PODXL: variants seen among roughly 807,000 people sequenced by gnomAD.
PODXL encodes podocalyxin.
PODXL carries 20 observed loss-of-function variants against 48.9 expected under a neutral mutation model. The ratio of observed to expected loss-of-function variants is 0.41; its 90% CI spans 0.29 to 0.59. PODXL has a LOEUF of 0.59. Among genes scored for constraint, PODXL ranks in the 20% least tolerant of loss-of-function variants. PODXL has a pLI of 0.31. For missense variants in PODXL, 606 were observed against 675.1 expected (o/e 0.90, Z 1.13); for synonymous variants, 295 against 287.4 (o/e 1.03, Z -0.27).
chr7:131,511,848 G>A (rs968201922), intron 1 of PODXL, among the ~76,000 whole-genome samples: 10 of 152,170 alleles, frequency 6.6e-5, no homozygotes, highest in African/African-American at 9.7e-5. Context: ...CCCACCACAC[G>A]TGGAGGCTGT....
At chr7:131,531,076 A>G (rs940656196) in intron 1 of PODXL, among the ~76,000 whole-genome samples, 1 of 152,070 alleles carries the variant, frequency 6.6e-6, no homozygotes, top group African/African-American at 2.4e-5. Flanking sequence ...AAATTAAGTC[A>G]GTACGCTTAA....
At chr7:131,529,669 G>C (rs989992086) in intron 1 of PODXL, among the ~76,000 whole-genome samples, 1 of 151,898 alleles carries the variant, frequency 6.6e-6, no homozygotes, top group Non-Finnish European at 1.5e-5. Flanking sequence ...TGTGTTCCTC[G>C]ATTGGTGTGC....
chr7:131,507,071 C>A (rs140470139), intron 5 of PODXL: 42 of 260,472 alleles, frequency 1.6e-4, no homozygotes, highest in Non-Finnish European at 1.5e-5. Flanking sequence ...CTCCCTAGAA[C>A]GGGCTAGAGA....
intron 1 of PODXL, among the ~76,000 whole-genome samples, chr7:131,516,904 G>A (rs1355294392): frequency 1.3e-5 from 2 of 151,822 alleles, no homozygotes; most frequent in Non-Finnish European, 2.9e-5. Flanking sequence ...AAATTTTGTA[G>A]AAACAGGATC....
intron 1 of PODXL, among the ~76,000 whole-genome samples, chr7:131,532,568 G>C (rs1188162252): frequency 6.6e-6 from 1 of 151,672 alleles, no homozygotes; most frequent in Admixed American, 6.6e-5. Context: ...TGGAAAATAG[G>C]GGGTAGTGAC....
chr7:131,514,138 C>G (rs761235721), intron 1 of PODXL, among the ~76,000 whole-genome samples: 40 of 152,200 alleles, frequency 2.6e-4, no homozygotes, highest in Admixed American at 4.6e-4. Context: ...GCAATACAGG[C>G]TGGGTGCGGT....
intron 1 of PODXL, among the ~76,000 whole-genome samples, chr7:131,532,452 TTA>T (rs1226809114): frequency 7.0e-6 from 1 of 143,752 alleles, no homozygotes; most frequent in Non-Finnish European, 1.5e-5. Flanking sequence ...AAAAAAAAAA[TTA>T]AAAATAAATA....
intron 1 of PODXL, among the ~76,000 whole-genome samples, chr7:131,552,447 G>A (rs1026980728): frequency 3.9e-5 from 6 of 152,130 alleles, no homozygotes; most frequent in African/African-American, 1.4e-4. Context: ...CTTTCCACAG[G>A]GCAGTGGTGT....
At chr7:131,543,649 G>A (rs1046426925) in intron 1 of PODXL, among the ~76,000 whole-genome samples, 4 of 152,144 alleles carry the variant, frequency 2.6e-5, no homozygotes, top group African/African-American at 9.7e-5. Context: ...TGGGGTCTGA[G>A]TGCCCACATA....
chr7:131,531,111 T>C (rs1251659659), intron 1 of PODXL, among the ~76,000 whole-genome samples: 1 of 152,142 alleles, frequency 6.6e-6, no homozygotes, highest in African/African-American at 2.4e-5. Context: ...GGTCTGGTCA[T>C]CCCCTTGCCC....
chr7:131,510,135 A>G (rs1202214966), intron 3 of PODXL, 101 bp downstream of exon 3: 1 of 412,552 alleles, frequency 2.4e-6, no homozygotes, highest in Non-Finnish European at 4.8e-6. Context: ...CTTGATCCAT[A>G]GGTAGATTTT....
In PODXL at chr7:131,556,413, C is replaced by T. The variant is rs1450552114; in HGVS notation, c.-54G>A. On this transcript the variant is annotated 5_prime_UTR_variant, in exon 1 of 9. Transcript: ENST00000378555. ...GTGGCTGCGGTGCCGGCGGAGGATC[C>T]GCGCGTCCGGGCGGTAGGAGCGTGG... 1 of 1,329,636 alleles carries T rather than the reference C, an allele frequency of 7.5e-7. No homozygotes were observed. The highest frequency in any genetic ancestry group is 1.5e-5 in the African/African-American group (1 of 66,226). 82.4% of individuals were successfully genotyped at this position (1,329,636 alleles called of 1,614,324 possible).
chr7:131,515,394 A>T (rs1797977463), intron 1 of PODXL, among the ~76,000 whole-genome samples: 2 of 152,208 alleles, frequency 1.3e-5, no homozygotes, highest in South Asian at 4.2e-4. Flanking sequence ...TTATGTGAAA[A>T]TAGGACCTAG....
chr7:131,548,931 C>T (rs2398795), intron 1 of PODXL, among the ~76,000 whole-genome samples: 26,672 of 152,188 alleles, frequency 0.18, 2,505 homozygotes, highest in South Asian at 0.24. Flanking sequence ...AGCCCTGACA[C>T]CTACTCACTT....
At position 131,556,383 on chromosome 7, in the gene PODXL, A is replaced by G; in HGVS notation, c.-24T>C. 7.4e-7 allele frequency: 1 copy of G among 1,360,492 alleles called. No individual in the cohort carries two copies. The highest frequency in any genetic ancestry group is 9.5e-7 in the Non-Finnish European group (1 of 1,056,764). 84.3% of individuals were successfully genotyped at this position (1,360,492 alleles called of 1,614,324 possible). On this transcript the variant is annotated 5_prime_UTR_variant, in exon 1 of 9. Transcript: ENST00000378555. ...ATCGTGTCGTCGCCTCTGGGCCGGG[A>G]GCAGGTGGCTGCGGTGCCGGCGGAG...
Position 131,501,769 on chromosome 7 carries a change from A to C in PODXL, c.*2542T>G, listed in dbSNP as rs577132714. On this transcript the variant is annotated 3_prime_UTR_variant, in exon 9 of 9. Transcript: ENST00000378555. ...AATGCTCTCTGAATTATCAGAGAGC[A>C]TTTAGAACCCAGTAAAGGTGGCAGA... The C allele has an allele frequency of 4.8e-4, 73 of 152,352 alleles. No individual in the cohort carries two copies. The highest frequency in any genetic ancestry group is 1.7e-3 in the African/African-American group (69 of 41,568). The allele number at this position is 152,352 out of a possible 1,614,324, so 9.4% of individuals were successfully genotyped here.
intron 1 of PODXL, among the ~76,000 whole-genome samples, chr7:131,525,371 C>T (rs921483450): frequency 7.4e-6 from 1 of 134,290 alleles, no homozygotes; most frequent in Non-Finnish European, 1.5e-5. Flanking sequence ...GACAGATCAC[C>T]TGAGGTCAGG....
chr7:131,519,266 GT>G (rs1357217058), intron 1 of PODXL, among the ~76,000 whole-genome samples: 1 of 152,118 alleles, frequency 6.6e-6, no homozygotes, highest in Non-Finnish European at 1.5e-5. Context: ...ACCAGGCTTG[GT>G]TTTTTCACTC....
rs1049653765 is a variant in PODXL, at chr7:131,509,127, G to C, written c.1024-99C>G. The C allele has an allele frequency of 4.5e-6, 5 of 1,119,828 alleles. No homozygotes were observed. In the African/African-American group the frequency reaches 4.6e-5, roughly 10 times the overall value. 69.4% of individuals were successfully genotyped at this position (1,119,828 alleles called of 1,614,324 possible). A position where few individuals can be genotyped will look rare whatever the true frequency, so the allele number is the denominator to read the frequency against. ...GTGACCCAGATAGGAAAGAGTTCAC[G>C]GCAAGCTGGAGGCATGGCTGGACCC... On this transcript the variant is annotated intron_variant, in intron 4 of 8. Transcript: ENST00000378555.
Sources: gnomAD v4.1 joint callset for allele counts (sites outside exome capture counted in the v4.1 genomes callset) on GRCh38, gnomAD v4.1.1 for gene constraint, MANE v1.5 for transcripts, NCBI Gene and HGNC (gene_info 2026-07-23, HGNC 2026-07-21) for gene names.